Variants in CACNA1C observed in about 807,000 individuals in gnomAD.
CACNA1C encodes voltage-dependent L-type calcium channel subunit alpha-1C.
Under a neutral mutation model 229.0 loss-of-function variants are expected in CACNA1C, and 30 were observed. The ratio of observed to expected loss-of-function variants is 0.13; its 90% confidence interval spans 0.10 to 0.18. CACNA1C has a LOEUF of 0.18. CACNA1C is among the 10% of genes least tolerant of loss of function. The probability of loss-of-function intolerance (pLI) is 1.00; values close to 1 mark genes in which losing one functional copy is unlikely to be tolerated. For synonymous variants in CACNA1C, 1,114 were observed against 1,132.5 expected, an observed-to-expected ratio of 0.98 and a Z score of 0.33; for missense variants, 1,658 against 2,845.0, an observed-to-expected ratio of 0.58 and a Z score of 9.49.
chr12:2,512,990 C>G lies in CACNA1C; in HGVS notation c.1390+6C>G. 6.3e-7 allele frequency: 1 copy of G among 1,591,518 alleles called. No homozygotes were observed. The highest frequency in any genetic ancestry group is 8.6e-7 in the Non-Finnish European group (1 of 1,168,368). On this transcript the variant is annotated splice_donor_region_variant and intron_variant, in intron 9 of 46. Transcript: ENST00000399655. This position sits in a 1 kb window ranked among gnomAD's most constrained non-coding sequence, Gnocchi z 4.3. ...TGAGGAGAAGCCCCGAAACAGTGAG[C>G]AGCCGTCTTCTTCTGTGTTTGGGCT...
intron 1 of CACNA1C, among the ~76,000 whole-genome samples, chr12:2,096,695 C>G (rs373048112): frequency 2.0e-5 from 3 of 152,306 alleles, no homozygotes; most frequent in African/African-American, 7.2e-5. Context: ...GTCTCTAGAA[C>G]TTTTTGTCAT....
At chr12:2,681,769 T>G (rs2097158331) in intron 42 of CACNA1C, among the ~76,000 whole-genome samples, 1 of 152,118 alleles carries the variant, frequency 6.6e-6, no homozygotes, top group Non-Finnish European at 1.5e-5. Context: ...GATTTAGCAC[T>G]CGGCTCTGAG....
chr12:2,102,345 T>C (rs1049560650), intron 1 of CACNA1C, among the ~76,000 whole-genome samples: 1 of 151,926 alleles, frequency 6.6e-6, no homozygotes, highest in African/African-American at 2.4e-5. Context: ...CTCAAGGAGC[T>C]TGTGAGTTGC....
intron 3 of CACNA1C, among the ~76,000 whole-genome samples, chr12:2,310,538 A>C (rs959247681): frequency 2.0e-5 from 3 of 152,096 alleles, no homozygotes; most frequent in African/African-American, 7.2e-5. Context: ...TGGAAATTCG[A>C]CTTCCAAAGG....
intron 42 of CACNA1C, chr12:2,681,879 A>G (rs1353832811): frequency 9.2e-6 from 8 of 868,734 alleles, no homozygotes; most frequent in Non-Finnish European, 1.6e-5. Flanking sequence ...GGAGGCACTG[A>G]GCTGAGCTCA....
At chr12:2,352,334 TAC>T (rs1371874851) in intron 3 of CACNA1C, among the ~76,000 whole-genome samples, 1 of 152,196 alleles carries the variant, frequency 6.6e-6, no homozygotes, top group Non-Finnish European at 1.5e-5. Flanking sequence ...CCTCTGAAAA[TAC>T]AGTTACCCTG....
In CACNA1C at chr12:2,285,989, G is replaced by A. The variant is rs1227478577; in HGVS notation, c.478-162987G>A. Among the ~76,000 whole-genome samples, 1 of 152,154 alleles carries A rather than the reference G, an allele frequency of 6.6e-6. No individual in the cohort carries two copies. Among genetic ancestry groups the A allele is most frequent in the East Asian group, 1.9e-4 (1 of 5,176 alleles). ...TGAGGCCCAGGGACATTTCCCAGGG[G>A]ATGAACTCTAACTAAAAATGAAGGT... On this transcript the variant is annotated intron_variant, in intron 3 of 46. Transcript: ENST00000399655. This position sits in a 1 kb window ranked among gnomAD's most constrained non-coding sequence, Gnocchi z 4.2.
chr12:2,256,237 A>G (rs2077719732), intron 3 of CACNA1C, among the ~76,000 whole-genome samples: 1 of 152,178 alleles, frequency 6.6e-6, no homozygotes, highest in Non-Finnish European at 1.5e-5. Flanking sequence ...AACAAGCTTC[A>G]TAGTTCAGCC....
chr12:2,252,802 CT>C (rs2076074366), intron 3 of CACNA1C, among the ~76,000 whole-genome samples: 2 of 151,748 alleles, frequency 1.3e-5, no homozygotes, highest in South Asian at 4.2e-4. Context: ...CTTCCCAAGA[CT>C]TTCTTGGGTC....
chr12:2,307,412 C>G (rs1402508451), intron 3 of CACNA1C, among the ~76,000 whole-genome samples: 1 of 152,244 alleles, frequency 6.6e-6, no homozygotes, highest in African/African-American at 2.4e-5. Flanking sequence ...CAGGATCACA[C>G]AGCTCCTTGG....
rs551671037 is a variant in CACNA1C at position 2,285,978 on chromosome 12, A to G, written c.478-162998A>G. On this transcript the variant is annotated intron_variant, in intron 3 of 46. Coordinates refer to ENST00000399655, the MANE Select transcript of CACNA1C (RefSeq NM_000719.7). This position sits in a 1 kb window ranked among gnomAD's most constrained non-coding sequence, Gnocchi z 4.2. ...GTCAGGGAGTTTGAGGCCCAGGGAC[A>G]TTTCCCAGGGGATGAACTCTAACTA... 1.3e-5 allele frequency among the ~76,000 whole-genome samples: 2 copies of G among 152,270 alleles called. No homozygotes were observed. Among genetic ancestry groups the G allele is most frequent in the African/African-American group, 4.8e-5 (2 of 41,556 alleles).
At chr12:2,404,828 G>A (rs534737163) in intron 3 of CACNA1C, among the ~76,000 whole-genome samples, 1 of 152,286 alleles carries the variant, frequency 6.6e-6, no homozygotes, top group South Asian at 2.1e-4. Context: ...TCTTTGTGAA[G>A]AGTTAAGCAT....
Position 2,142,339 on chromosome 12 carries a change from C to T in CACNA1C, c.477+21909C>T, listed in dbSNP as rs553634910. Among the ~76,000 whole-genome samples the T allele has an allele frequency of 1.1e-4, 17 of 151,064 alleles. 1 individual carries two copies. The highest frequency in any genetic ancestry group is 3.6e-4 in the African/African-American group (15 of 41,410). ...ATGGTGCAGTGGCACTCATTACTTA[C>T]GTGTGTGTGGTGGTGTGGTGCTGTT... On this transcript the variant is annotated intron_variant, in intron 3 of 46. Coordinates refer to ENST00000399655, the MANE Select transcript of CACNA1C (RefSeq NM_000719.7).
intron 1 of CACNA1C, among the ~76,000 whole-genome samples, chr12:2,006,293 G>A (rs374353953): frequency 3.9e-5 from 6 of 151,936 alleles, no homozygotes; most frequent in South Asian, 2.1e-4. Flanking sequence ...CTGTAATCCC[G>A]GATACTCGGG....
rs111273230 is a variant in CACNA1C at position 2,117,270 on chromosome 12, C to CAAATAAATAAATAAAT, written c.371+1731_371+1746dup. Among the ~76,000 whole-genome samples, 1,171 of 152,180 alleles carry CAAATAAATAAATAAAT rather than the reference C, an allele frequency of 7.7e-3. 19 individuals carry two copies. Among genetic ancestry groups the CAAATAAATAAATAAAT allele is most frequent in the African/African-American group, 0.027 (1,112 of 41,476 alleles). On this transcript the variant is annotated intron_variant, in intron 2 of 46. Transcript: ENST00000399655. The stretch of plus-strand genomic sequence containing the variant: ...TGAGGAAAAGAGTGAAACTCTGTCT[C>CAAATAAATAAATAAAT]AAATAAATAAATAAATAAATATAAA...
chr12:2,397,232 A>C (rs950263110), intron 3 of CACNA1C, among the ~76,000 whole-genome samples: 1 of 152,258 alleles, frequency 6.6e-6, no homozygotes, highest in Non-Finnish European at 1.5e-5. Flanking sequence ...AGTGTTATCC[A>C]TCAAGAAGAG....
At chr12:2,049,182 G>T (rs773925386), upstream of CACNA1C, 6 of 152,226 alleles carry the variant, frequency 3.9e-5, no homozygotes, top group Non-Finnish European at 7.3e-5. Flanking sequence ...GTGGTTAAGA[G>T]CGTAGGCTCT....
At chr12:2,444,084 C>G (rs1207939461) in intron 3 of CACNA1C, among the ~76,000 whole-genome samples, 1 of 152,166 alleles carries the variant, frequency 6.6e-6, no homozygotes, top group African/African-American at 2.4e-5. Context: ...TGGGCCCTTC[C>G]AGTTCTATCT....
At chr12:2,555,630 C>A (rs72653438) in intron 10 of CACNA1C, among the ~76,000 whole-genome samples, 1 of 152,228 alleles carries the variant, frequency 6.6e-6, no homozygotes, top group South Asian at 2.1e-4. Context: ...CCCTCCCACA[C>A]GCTGTTAACC....
Sources: gnomAD v4.1 joint callset for allele counts (sites outside exome capture counted in the v4.1 genomes callset) on GRCh38, gnomAD v4.1.1 for gene constraint, Gnocchi (gnomAD v3.1) non-coding constraint, MANE v1.5 for transcripts, NCBI Gene and HGNC (gene_info 2026-07-23, HGNC 2026-07-21) for gene names.